PHF2: variants seen among roughly 807,000 people sequenced by gnomAD.
PHF2 encodes the protein lysine-specific demethylase PHF2.
Under a neutral mutation model 120.5 loss-of-function variants are expected in PHF2, and 27 were observed. The ratio of observed to expected loss-of-function variants is 0.22; its 90% CI spans 0.17 to 0.31. The LOEUF (loss-of-function observed/expected upper bound fraction) is 0.31, where lower values mean the gene tolerates loss of function less well. Ranked by LOEUF, PHF2 falls within the 10% of genes least tolerant of loss-of-function variation. The pLI is 1.00. For synonymous variants in PHF2, 568 were observed against 592.5 expected (o/e 0.96, Z 0.60); for missense variants, 1,024 against 1,434.8 (o/e 0.71, Z 4.63).
In PHF2 at chr9:93,584,936, A is replaced by G. The variant is rs560664921; in HGVS notation, c.98+8065A>G. ...CAGTGTTTTATAGTTGTTGGTTTAC[A>G]AGTCTTTCACCGACTCAGTTACATT... On this transcript the variant is annotated intron_variant, in intron 1 of 21. Transcript: ENST00000359246. Among the ~76,000 whole-genome samples, 3 of 152,364 alleles carry G rather than the reference A, an allele frequency of 2.0e-5. No homozygotes were observed. In the South Asian group the frequency reaches 6.2e-4, roughly 32 times the overall value.
At chr9:93,652,439 C>A (rs1826384911) in intron 5 of PHF2, among the ~76,000 whole-genome samples, 1 of 151,906 alleles carries the variant, frequency 6.6e-6, no homozygotes, top group African/African-American at 2.4e-5. Context: ...GGATTACAGG[C>A]ATGCCACCAT....
In PHF2 at chr9:93,676,846, G is replaced by T. The variant is rs571905486; in HGVS notation, c.3085G>T (p.Ala1029Ser). The T allele has an allele frequency of 2.6e-6, 4 of 1,562,698 alleles. No homozygotes were observed. Among genetic ancestry groups the T allele is most frequent in the South Asian group, 2.4e-5 (2 of 84,932 alleles). Residue 1029 changes from alanine to serine, a missense_variant, in exon 21 of 22, where the codon GCT (alanine) becomes TCT (serine). Ala to Ser is a moderately conservative substitution (Grantham distance 99). Transcript: ENST00000359246. ...CCTGGCGGACCATGAGTACACAGCC[G>T]CTGGCACCTTCACCGGGGCCCAGGC... ...SSLADHEYTA[A>S]GTFTGAQAGR...
At chr9:93,602,247 C>CTTGTT (rs1825454442) in intron 1 of PHF2, among the ~76,000 whole-genome samples, 1 of 79,670 alleles carries the variant, frequency 1.3e-5, no homozygotes, top group Non-Finnish European at 2.2e-5. Context: ...CCTAGAGATT[C>CTTGTT]TTTTTTTTTT....
intron 1 of PHF2, among the ~76,000 whole-genome samples, chr9:93,606,776 C>T (rs1254871387): frequency 1.3e-5 from 2 of 152,210 alleles, no homozygotes; most frequent in Non-Finnish European, 2.9e-5. Context: ...TATTACCAAA[C>T]TGAAGGCCAT....
intron 3 of PHF2, among the ~76,000 whole-genome samples, chr9:93,637,063 C>T (rs970474554): frequency 6.6e-6 from 1 of 152,236 alleles, no homozygotes; most frequent in East Asian, 1.9e-4. Context: ...GCCCTGCAGC[C>T]GTTCATGAGC....
intron 1 of PHF2, among the ~76,000 whole-genome samples, chr9:93,614,553 C>T (rs1825690561): frequency 6.6e-6 from 1 of 152,236 alleles, no homozygotes; most frequent in Non-Finnish European, 1.5e-5. Flanking sequence ...CCCAGCCCCT[C>T]CATCCTTTCT....
rs1444058534 is a variant in PHF2 at position 93,605,049 on chromosome 9, C to CA, written c.99-24920dup. Reference sequence around the variant, plus strand: ...GAACAATTTTAGATTTACAGTAAGACAGAGTGAAAAGATCGAGAGTTCCCA... The same window carrying CA: ...GAACAATTTTAGATTTACAGTAAGACAAGAGTGAAAAGATCGAGAGTTCCCA... On this transcript the variant is annotated intron_variant, in intron 1 of 21. Transcript: ENST00000359246. 1.2e-4 allele frequency among the ~76,000 whole-genome samples: 19 copies of CA among 152,240 alleles called. No homozygotes were observed. In the South Asian group the frequency reaches 3.7e-3, roughly 30 times the overall value.
intron 16 of PHF2, 118 bp downstream of exon 16, chr9:93,666,178 G>C: frequency 1.1e-6 from 1 of 951,490 alleles, no homozygotes. Context: ...AGATGGCAAA[G>C]GGGCCCCTTA....
At chr9:93,674,857 ACC>A in intron 18 of PHF2, 68 bp from the exon 19 acceptor site, 1 of 1,096,496 alleles carries the variant, frequency 9.1e-7, no homozygotes, top group Non-Finnish European at 1.4e-6. Flanking sequence ...AGCCACCTGT[ACC>A]CCCCCGCCCT....
chr9:93,609,904 C>T (rs1235446503), intron 1 of PHF2, among the ~76,000 whole-genome samples: 1 of 152,098 alleles, frequency 6.6e-6, no homozygotes, highest in Non-Finnish European at 1.5e-5. Context: ...ACCACGTTGG[C>T]GAGGTTGGTC....
intron 1 of PHF2, among the ~76,000 whole-genome samples, chr9:93,617,763 C>G (rs1825752202): frequency 6.6e-6 from 1 of 152,164 alleles, no homozygotes. Flanking sequence ...ATGTGGAGTC[C>G]AGTGTTCGAG....
chr9:93,609,954 C>G (rs1825607174), intron 1 of PHF2, among the ~76,000 whole-genome samples: 1 of 152,166 alleles, frequency 6.6e-6, no homozygotes, highest in South Asian at 2.1e-4. Flanking sequence ...CTTGGCCTCC[C>G]AAAGTGCTAG....
At chr9:93,593,771 A>C (rs907109607) in intron 1 of PHF2, among the ~76,000 whole-genome samples, 5 of 152,206 alleles carry the variant, frequency 3.3e-5, no homozygotes, top group African/African-American at 1.2e-4. Context: ...GGATATCTTT[A>C]TGATGATATT....
Position 93,673,738 on chromosome 9 carries a change from G to T in PHF2, c.2502G>T (p.Gly834=), listed in dbSNP as rs748218124. The T allele has an allele frequency of 2.5e-6, 4 of 1,613,410 alleles. No individual in the cohort carries two copies. The highest frequency in any genetic ancestry group is 1.7e-5 in the Admixed American group (1 of 60,012). The change falls in exon 18 of 22, where the codon GGG becomes GGT. Residue 834 remains glycine, a synonymous_variant. Transcript: ENST00000359246. ...CTGCCCATGGTGCCCGGAAGAATGG[G>T]GGTGGCAGTGGCAAGAGTGCAGGCA... is the stretch of plus-strand genomic sequence containing the variant. ...SLAAHGARKN[G]GGSGKSAGKR...
chr9:93,595,894 A>G (rs1825322505), intron 1 of PHF2, among the ~76,000 whole-genome samples: 1 of 152,174 alleles, frequency 6.6e-6, no homozygotes. Context: ...TGTTAATGTT[A>G]GTTTTACTCC....
At chr9:93,645,876 C>A in intron 4 of PHF2, 87 bp downstream of exon 4, 1 of 1,421,062 alleles carries the variant, frequency 7.0e-7, no homozygotes, top group East Asian at 2.4e-5. Context: ...TCCCCACGCC[C>A]TGGCTGTGTC....
Position 93,677,220 on chromosome 9 carries a change from C to T in PHF2, c.3202+257C>T, listed in dbSNP as rs1052872225. On this transcript the variant is annotated intron_variant, in intron 21 of 21. Coordinates refer to ENST00000359246, the MANE Select transcript of PHF2 (RefSeq NM_005392.4). This position sits in a 1 kb window ranked among gnomAD's most constrained non-coding sequence, Gnocchi z 4.4. ...TCTGCCTGCACCCCTGCACCCCAGC[C>T]GTGGGGCCGGCCAGCTGTGGGGACT... 5.3e-5 allele frequency among the ~76,000 whole-genome samples: 8 copies of T among 151,286 alleles called. No homozygotes were observed. The highest frequency in any genetic ancestry group is 1.7e-4 in the African/African-American group (7 of 41,130).
chr9:93,652,027 T>G (rs948619505), intron 5 of PHF2, among the ~76,000 whole-genome samples: 3 of 152,080 alleles, frequency 2.0e-5, no homozygotes, highest in Non-Finnish European at 2.9e-5. Context: ...GGGTGCTAGT[T>G]TGGAACGTGC....
chr9:93,650,236 C>T (rs903572624), intron 5 of PHF2, among the ~76,000 whole-genome samples: 10 of 151,652 alleles, frequency 6.6e-5, no homozygotes, highest in East Asian at 1.9e-4. Flanking sequence ...GATACACCCA[C>T]GGGCATTCAT....
Sources: gnomAD v4.1 joint callset for allele counts (sites outside exome capture counted in the v4.1 genomes callset) on GRCh38, gnomAD v4.1.1 for gene constraint, Gnocchi (gnomAD v3.1) non-coding constraint, MANE v1.5 for transcripts, NCBI Gene and HGNC (gene_info 2026-07-23, HGNC 2026-07-21) for gene names.